ARMH4: variants seen among roughly 807,000 people sequenced by gnomAD.
ARMH4 encodes the protein armadillo-like helical domain-containing protein 4.
Under a neutral mutation model 61.9 loss-of-function variants are expected in ARMH4, and 49 were observed. The observed-to-expected ratio is 0.79, with a 90% CI of 0.63 to 1.00. ARMH4 has a LOEUF of 1.00. ARMH4 is among the 50% of genes least tolerant of loss of function. The probability of loss-of-function intolerance (pLI) is 0.00; values close to 1 mark genes in which losing one functional copy is unlikely to be tolerated. For missense variants in ARMH4, 934 were observed against 930.0 expected (o/e 1.00, Z -0.06); for synonymous variants, 368 against 341.5 (o/e 1.08, Z -0.85).
chr14:58,081,791 C>A (rs979724382), intron 5 of ARMH4, among the ~76,000 whole-genome samples: 47 of 152,290 alleles, frequency 3.1e-4, no homozygotes, highest in African/African-American at 1.1e-3. Context: ...CAGGCGTGAG[C>A]CACCACGCCT....
chr14:58,098,342 C>T (rs993652836), intron 4 of ARMH4, among the ~76,000 whole-genome samples: 1 of 152,204 alleles, frequency 6.6e-6, no homozygotes, highest in African/African-American at 2.4e-5. Context: ...TATCAACCCC[C>T]TAACGGGTGC....
intron 5 of ARMH4, among the ~76,000 whole-genome samples, chr14:58,012,794 T>C: frequency 6.6e-6 from 1 of 152,232 alleles, no homozygotes; most frequent in East Asian, 1.9e-4. Context: ...AAAAGGCTGA[T>C]CAACTATGAA....
At chr14:58,077,138 A>T (rs1424889425) in intron 5 of ARMH4, among the ~76,000 whole-genome samples, 4 of 152,336 alleles carry the variant, frequency 2.6e-5, no homozygotes, top group Non-Finnish European at 5.9e-5. Context: ...CTGCAGGACC[A>T]TGGGAGGCTG....
chr14:58,120,912 A>G (rs1258049777), intron 4 of ARMH4, among the ~76,000 whole-genome samples: 2 of 152,142 alleles, frequency 1.3e-5, no homozygotes, highest in African/African-American at 4.8e-5. Flanking sequence ...TAAAATATTT[A>G]TATTTTCTTC....
intron 2 of ARMH4, among the ~76,000 whole-genome samples, chr14:58,137,478 ACCTCCGC>A (rs199957027): frequency 0.075 from 11,404 of 151,972 alleles, 520 homozygotes; most frequent in Non-Finnish European, 0.11. Context: ...GCTCACTGCA[ACCTCCGC>A]CTTCCCAGGT....
At position 58,058,326 on chromosome 14, in the gene ARMH4, G is replaced by A. The variant is rs145522178; in HGVS notation, c.2089+38398C>T. On this transcript the variant is annotated intron_variant, in intron 5 of 7. Transcript: ENST00000267485. Reference sequence around the variant, plus strand: ...GGGAAAAGTCTGTACATATTCAGTAGAGATACCTTTTTTTTTAAGTGAAAG... The same window carrying A: ...GGGAAAAGTCTGTACATATTCAGTAAAGATACCTTTTTTTTTAAGTGAAAG... Among the ~76,000 whole-genome samples, 1,070 of 152,250 alleles carry A rather than the reference G, an allele frequency of 7.0e-3. 2 individuals carry two copies. The highest frequency in any genetic ancestry group is 0.017 in the Middle Eastern group (5 of 294).
chr14:58,068,910 G>A (rs530981266), intron 5 of ARMH4, among the ~76,000 whole-genome samples: 5 of 151,718 alleles, frequency 3.3e-5, no homozygotes, highest in African/African-American at 1.2e-4. Flanking sequence ...GGGAAGCTGA[G>A]GCATGAGAAT....
At chr14:58,089,188 C>T (rs1885477954) in intron 5 of ARMH4, among the ~76,000 whole-genome samples, 1 of 152,180 alleles carries the variant, frequency 6.6e-6, no homozygotes, top group Non-Finnish European at 1.5e-5. Context: ...TTGGCAGCTT[C>T]GAGCAAACCT....
chr14:58,008,856 T>C (rs1361717408), intron 6 of ARMH4, among the ~76,000 whole-genome samples: 1 of 152,214 alleles, frequency 6.6e-6, no homozygotes, highest in Non-Finnish European at 1.5e-5. Flanking sequence ...CTGGATGGTT[T>C]CCTAAAGCTA....
At chr14:58,066,569 A>G (rs1196647169) in intron 5 of ARMH4, among the ~76,000 whole-genome samples, 4 of 152,170 alleles carry the variant, frequency 2.6e-5, no homozygotes, top group Admixed American at 6.6e-5. Context: ...ATTTTATGTT[A>G]TGTAAATTTT....
chr14:58,042,221 T>C (rs987465984), intron 5 of ARMH4, among the ~76,000 whole-genome samples: 3 of 152,102 alleles, frequency 2.0e-5, no homozygotes, highest in Non-Finnish European at 4.4e-5. Flanking sequence ...TCAGCAAATG[T>C]AAAAGGACAG....
Position 58,151,892 on chromosome 14 carries a change from C to T in ARMH4, c.-57+183G>A, listed in dbSNP as rs114457140. ...AGAGCTGCCCCCGCGCACCCCACAC[C>T]TGGGCACCGCGCTCCGGAGGAGGAT... On this transcript the variant is annotated intron_variant, in intron 1 of 7. Coordinates refer to ENST00000267485, the MANE Select transcript of ARMH4 (RefSeq NM_001001872.4). 1.0e-2 allele frequency among the ~76,000 whole-genome samples: 1,516 copies of T among 152,290 alleles called. 23 individuals carry two copies. Among genetic ancestry groups the T allele is most frequent in the African/African-American group, 0.035 (1,443 of 41,564 alleles).
chr14:58,118,348 G>A (rs1380991909), intron 4 of ARMH4, among the ~76,000 whole-genome samples: 1 of 152,128 alleles, frequency 6.6e-6, no homozygotes, highest in East Asian at 1.9e-4. Flanking sequence ...TATTAATCAT[G>A]ACAACTGTTG....
chr14:58,042,229 C>A (rs1049571354), intron 5 of ARMH4, among the ~76,000 whole-genome samples: 30 of 152,176 alleles, frequency 2.0e-4, no homozygotes, highest in Admixed American at 1.2e-3. Flanking sequence ...TGTAAAAGGA[C>A]AGAAATTATA....
At chr14:58,088,008 T>C (rs950073845) in intron 5 of ARMH4, among the ~76,000 whole-genome samples, 10 of 152,220 alleles carry the variant, frequency 6.6e-5, no homozygotes, top group Non-Finnish European at 1.5e-4. Context: ...TAGTTCACAG[T>C]GCACATCTGC....
chr14:58,115,725 C>G (rs1027055170), intron 4 of ARMH4, among the ~76,000 whole-genome samples: 2 of 152,158 alleles, frequency 1.3e-5, no homozygotes, highest in African/African-American at 4.8e-5. Context: ...CCATGGAATA[C>G]TATGCAGCCA....
chr14:58,121,798 A>G (rs116036045), intron 4 of ARMH4, among the ~76,000 whole-genome samples: 1,653 of 152,358 alleles, frequency 0.011, 37 homozygotes, highest in African/African-American at 0.037. Flanking sequence ...AGACACTTAA[A>G]GTGACACAAA....
At chr14:58,029,717 A>G (rs901552754) in intron 5 of ARMH4, among the ~76,000 whole-genome samples, 5 of 152,224 alleles carry the variant, frequency 3.3e-5, no homozygotes, top group Non-Finnish European at 5.9e-5. Context: ...AGTGTTAGTG[A>G]GGATGTAGAG....
At chr14:58,004,943 C>T in intron 7 of ARMH4, 105 bp downstream of exon 7, 1 of 1,560,286 alleles carries the variant, frequency 6.4e-7, no homozygotes, top group Admixed American at 1.7e-5. Context: ...CTGGGCACGT[C>T]AATACCACCC....
Sources: allele counts gnomAD v4.1 joint callset (sites outside exome capture counted in the v4.1 genomes callset), GRCh38; gene constraint gnomAD v4.1.1; transcripts MANE v1.5; gene names NCBI Gene and HGNC (gene_info 2026-07-23, HGNC 2026-07-21).